The following ARHGEF4 variants were observed in gnomAD, a reference collection of about 807,000 sequenced individuals.
ARHGEF4 encodes the protein Rho guanine nucleotide exchange factor 4.
A neutral mutation model predicts 162.0 loss-of-function variants in ARHGEF4; 119 were observed. The ratio of observed to expected loss-of-function variants is 0.73; its 90% CI spans 0.63 to 0.86. ARHGEF4 has a LOEUF of 0.86. Among genes scored for constraint, ARHGEF4 ranks in the 40% least tolerant of loss-of-function variants. The pLI, the probability that ARHGEF4 is intolerant of heterozygous loss-of-function variation, is 0.00. For missense variants in ARHGEF4, 2,488 were observed against 2,456.0 expected, an observed-to-expected ratio of 1.01 and a Z score of -0.28; for synonymous variants, 1,014 against 979.9, an observed-to-expected ratio of 1.03 and a Z score of -0.65.
intron 1 of ARHGEF4, among the ~76,000 whole-genome samples, chr2:130,852,371 G>T (rs974896632): frequency 7.9e-5 from 12 of 152,358 alleles, no homozygotes; most frequent in African/African-American, 2.9e-4. Context: ...GGTGATAGCA[G>T]ACCACAGTGT....
chr2:130,837,126 T>C (rs911233379), intron 1 of ARHGEF4, 134 bp downstream of exon 1: 1 of 791,666 alleles, frequency 1.3e-6, no homozygotes, highest in Non-Finnish European at 1.7e-6. Flanking sequence ...CCCTCGTGGC[T>C]CCCCGCCGCT....
chr2:131,035,508 G>A, intron 5 of ARHGEF4: 1 of 395,938 alleles, frequency 2.5e-6, no homozygotes, highest in Non-Finnish European at 3.7e-6. Flanking sequence ...GAGGGGGGAG[G>A]CCAAAATGGC....
chr2:130,840,158 C>T (rs1450389373), intron 1 of ARHGEF4, among the ~76,000 whole-genome samples: 1 of 152,002 alleles, frequency 6.6e-6, no homozygotes, highest in Non-Finnish European at 1.5e-5. Flanking sequence ...CACACACACA[C>T]ACAGGCATAC....
intron 1 of ARHGEF4, among the ~76,000 whole-genome samples, chr2:130,897,225 G>A (rs550489606): frequency 1.3e-5 from 2 of 152,314 alleles, no homozygotes; most frequent in East Asian, 3.9e-4. Flanking sequence ...ATGAAACAAA[G>A]GACAAGCAGC....
chr2:130,930,415 G>A (rs1364405594), intron 2 of ARHGEF4, among the ~76,000 whole-genome samples: 1 of 152,144 alleles, frequency 6.6e-6, no homozygotes, highest in African/African-American at 2.4e-5. Flanking sequence ...TTCTGCTAGT[G>A]GGGGCATATT....
At chr2:130,975,858 C>T (rs553187475) in intron 4 of ARHGEF4, among the ~76,000 whole-genome samples, 148 of 152,274 alleles carry the variant, frequency 9.7e-4, no homozygotes, top group African/African-American at 3.2e-3. Flanking sequence ...GTGCTCTGGG[C>T]GGTCAGAGGC....
At position 131,040,055 on chromosome 2, in the gene ARHGEF4, C is replaced by T. The variant is rs1268309006; in HGVS notation, c.4345C>T (p.Pro1449Ser). The change falls in exon 7 of 14, where the codon CCT becomes TCT. Residue 1449 changes from proline (P) to serine (S), a missense_variant. Pro to Ser is a moderately conservative substitution (Grantham distance 74, BLOSUM62 -1). Around this residue, in one of 6 missense-constraint regions of ARHGEF4, gnomAD observed 174 missense variants for 148.3 expected, o/e 1.17. Transcript: ENST00000409359. ...GGACGAGCCCGCGGATGACGACGCC[C>T]CTCTGGCCGGGAACAGCGGAGCGGA... ...NQDEPADDDA[P>S]LAGNSGAEDG... 24 of 1,586,916 alleles carry T rather than the reference C, an allele frequency of 1.5e-5. No homozygotes were observed. Among genetic ancestry groups the T allele is most frequent in the Non-Finnish European group, 2.0e-5 (23 of 1,167,640 alleles).
intron 1 of ARHGEF4, among the ~76,000 whole-genome samples, chr2:130,885,247 A>G (rs1452688871): frequency 6.6e-6 from 1 of 152,138 alleles, no homozygotes; most frequent in African/African-American, 2.4e-5. Context: ...GTCTTGTCCA[A>G]CGTTAAGAGG....
chr2:130,899,282 G>A (rs1270330640), intron 1 of ARHGEF4, among the ~76,000 whole-genome samples: 1 of 152,204 alleles, frequency 6.6e-6, no homozygotes. Context: ...GCCCACCTCA[G>A]TGCCCGTGCC....
chr2:130,964,748 T>A (rs1355245635), intron 4 of ARHGEF4, among the ~76,000 whole-genome samples: 1 of 152,332 alleles, frequency 6.6e-6, no homozygotes, highest in Middle Eastern at 3.4e-3. Flanking sequence ...GGACTGCAGC[T>A]CCCAGCGGAG....
In ARHGEF4 at chr2:130,917,430, A is replaced by G; in HGVS notation, c.3484A>G (p.Arg1162Gly). The G allele has an allele frequency of 6.4e-7, 1 of 1,550,664 alleles. No homozygotes were observed. Among genetic ancestry groups the G allele is most frequent in the Non-Finnish European group, 8.7e-7 (1 of 1,147,014 alleles). ...LNQDEQKEES[R>G]EGGQGPRGLG... ...CCAAGATGAGCAGAAGGAAGAGAGC[A>G]GGGAAGGAGGCCAGGGTCCGCGCGG... Residue 1162 changes from arginine (R) to glycine (G), a missense_variant, in exon 2 of 14, where the codon AGG becomes GGG. Transcript: ENST00000409359.
rs200044429 is a variant in ARHGEF4, at chr2:130,988,933, GAGAA to G, written c.3986-39008_3986-39005del. 4.1e-3 allele frequency among the ~76,000 whole-genome samples: 598 copies of G among 146,360 alleles called. 3 individuals are homozygous for G. The highest frequency in any genetic ancestry group is 0.014 in the African/African-American group (542 of 38,718). ...AGAGAGAGAGAGAGAGAGAGAGAGAGAGAAAGATTCCAAAAATATAATTATTTTC... is the reference window on the plus strand; with the variant it reads ...AGAGAGAGAGAGAGAGAGAGAGAGAGAGATTCCAAAAATATAATTATTTTC... On this transcript the variant is annotated intron_variant, in intron 4 of 13. Coordinates refer to ENST00000409359, the MANE Select transcript of ARHGEF4 (RefSeq NM_001367493.1).
intron 5 of ARHGEF4, among the ~76,000 whole-genome samples, chr2:131,038,158 G>C (rs1690443383): frequency 6.6e-6 from 1 of 152,178 alleles, no homozygotes; most frequent in African/African-American, 2.4e-5. Flanking sequence ...GGGGCATTGT[G>C]GTTGGTGGCT....
At chr2:131,036,192 A>G (rs1427248294) in intron 5 of ARHGEF4, among the ~76,000 whole-genome samples, 3 of 152,220 alleles carry the variant, frequency 2.0e-5, no homozygotes, top group African/African-American at 7.2e-5. Context: ...ACCCAGCGCA[A>G]TAGCATCGGA....
intron 1 of ARHGEF4, among the ~76,000 whole-genome samples, chr2:130,885,564 C>CTT (rs961513941): frequency 5.2e-4 from 52 of 100,374 alleles, no homozygotes; most frequent in Non-Finnish European, 7.1e-4. Flanking sequence ...TTTTCTTATT[C>CTT]TTTTTTTTTT....
At chr2:130,895,866 T>C (rs1680121948) in intron 1 of ARHGEF4, among the ~76,000 whole-genome samples, 1 of 152,172 alleles carries the variant, frequency 6.6e-6, no homozygotes, top group African/African-American at 2.4e-5. Flanking sequence ...CTTTTTTCTT[T>C]TATGGTTTGA....
chr2:130,902,258 C>T (rs945950211), intron 1 of ARHGEF4, among the ~76,000 whole-genome samples: 7 of 149,828 alleles, frequency 4.7e-5, no homozygotes, highest in African/African-American at 1.7e-4. Context: ...TTCCCTCCCT[C>T]CTTCCTTTCT....
At position 131,020,184 on chromosome 2, in the gene ARHGEF4, C is replaced by A. The variant is rs774703463; in HGVS notation, c.3986-7761C>A. On this transcript the variant is annotated intron_variant, in intron 4 of 13. Transcript: ENST00000409359. ...AATGTGGATGTCCTTTATTCTTTTTCTTTATTTTATTTTATTTATTATACT... is the reference window on the plus strand; with the variant it reads ...AATGTGGATGTCCTTTATTCTTTTTATTTATTTTATTTTATTTATTATACT... Among the ~76,000 whole-genome samples the A allele has an allele frequency of 7.9e-4, 120 of 152,004 alleles. 1 individual carries two copies. Among genetic ancestry groups the A allele is most frequent in the Non-Finnish European group, 1.1e-3 (77 of 67,972 alleles).
At chr2:131,021,079 G>C (rs2105353292) in intron 4 of ARHGEF4, among the ~76,000 whole-genome samples, 1 of 152,216 alleles carries the variant, frequency 6.6e-6, no homozygotes, top group African/African-American at 2.4e-5. Context: ...GTAGATTCTG[G>C]ATATTAGCCC....
Sources: allele counts gnomAD v4.1 joint callset (sites outside exome capture counted in the v4.1 genomes callset), GRCh38; gene constraint gnomAD v4.1.1; regional missense constraint gnomAD v4.1.1; transcripts MANE v1.5; gene names NCBI Gene and HGNC (gene_info 2026-07-23, HGNC 2026-07-21).